The following SANBR variants were observed in gnomAD, a reference collection of about 807,000 sequenced individuals.
SANBR encodes SANT and BTB domain regulator of CSR, also known as SANT and BTB domain regulator of class switch recombination.
Under a neutral mutation model 101.8 loss-of-function variants are expected in SANBR, and 77 were observed. That is an observed-to-expected ratio of 0.76 (90% CI 0.63 to 0.91). SANBR has a LOEUF of 0.91. Among genes scored for constraint, SANBR ranks in the 40% least tolerant of loss-of-function variants. The pLI is 0.00. For missense variants in SANBR, 875 were observed against 853.0 expected (o/e 1.03, Z -0.32); for synonymous variants, 279 against 274.7 (o/e 1.02, Z -0.15).
At position 61,123,640 on chromosome 2, in the gene SANBR, T is replaced by G. The variant is rs571325938; in HGVS notation, c.*1478T>G. ...ATTAAAGGATTTGGATTTGTACATG[T>G]AAACAGTGCTGTAATGGTCACGACT... is the stretch of plus-strand genomic sequence containing the variant. On this transcript the variant is annotated 3_prime_UTR_variant, in exon 22 of 22. Transcript: ENST00000402291. 1 of 985,360 alleles carries G rather than the reference T, an allele frequency of 1.0e-6. No homozygotes were observed. The highest frequency in any genetic ancestry group is 1.2e-6 in the Non-Finnish European group (1 of 829,730). The allele number at this position is 985,360 out of a possible 1,614,324, so 61.0% of individuals were successfully genotyped here.
chr2:61,097,206 T>C (rs1348693043), intron 11 of SANBR, among the ~76,000 whole-genome samples: 2 of 152,174 alleles, frequency 1.3e-5, no homozygotes, highest in Non-Finnish European at 2.9e-5. Flanking sequence ...TTATTTTTCT[T>C]TGGAAAACAT....
At chr2:61,091,993 A>G (rs923027073) in intron 10 of SANBR, among the ~76,000 whole-genome samples, 1 of 152,240 alleles carries the variant, frequency 6.6e-6, no homozygotes, top group Non-Finnish European at 1.5e-5. Context: ...AAGTACTAAT[A>G]CATGAATGAT....
chr2:61,089,699 A>G (rs1006950202), intron 10 of SANBR: 1 of 152,350 alleles, frequency 6.6e-6, no homozygotes, highest in African/African-American at 2.4e-5. Flanking sequence ...AAATAAATAC[A>G]TAATACATAT....
chr2:61,072,222 A>T (rs1007533682), intron 4 of SANBR, among the ~76,000 whole-genome samples: 1 of 152,136 alleles, frequency 6.6e-6, no homozygotes, highest in Non-Finnish European at 1.5e-5. Flanking sequence ...TACAGACGTG[A>T]GCTACTGCAC....
chr2:61,082,963 T>C (rs566053833), intron 7 of SANBR, among the ~76,000 whole-genome samples, 191 bp from the exon 8 acceptor site: 63 of 152,346 alleles, frequency 4.1e-4, no homozygotes, highest in African/African-American at 1.5e-3. Flanking sequence ...TGTATATATG[T>C]TGTTACAAAT....
At chr2:61,128,880 T>C (rs561646607), downstream of SANBR, among the ~76,000 whole-genome samples, 1 of 152,170 alleles carries the variant, frequency 6.6e-6, no homozygotes, top group African/African-American at 2.4e-5. Flanking sequence ...GAGGATCACT[T>C]GAGCCCAGGA....
intron 17 of SANBR, among the ~76,000 whole-genome samples, chr2:61,116,517 A>G (rs1405948904): frequency 6.6e-6 from 1 of 152,146 alleles, no homozygotes; most frequent in Non-Finnish European, 1.5e-5. Context: ...AAAATAAATC[A>G]TATTTTATGA....
chr2:61,086,452 T>A (rs1293590660), intron 8 of SANBR, among the ~76,000 whole-genome samples: 1 of 152,132 alleles, frequency 6.6e-6, no homozygotes, highest in Non-Finnish European at 1.5e-5. Flanking sequence ...CAAAATAGTA[T>A]TGATAAAGGC....
downstream of SANBR, among the ~76,000 whole-genome samples, chr2:61,129,263 G>A (rs1290955218): frequency 6.6e-6 from 1 of 151,938 alleles, no homozygotes; most frequent in Non-Finnish European, 1.5e-5. Context: ...GGCCAACGTG[G>A]TGAAACCCCA....
chr2:61,103,089 T>A (rs1683369583), intron 12 of SANBR, among the ~76,000 whole-genome samples: 1 of 151,896 alleles, frequency 6.6e-6, no homozygotes, highest in African/African-American at 2.4e-5. Flanking sequence ...CAAATATTAT[T>A]ATTACATGAA....
chr2:61,109,850 A>T (rs1180564823), intron 16 of SANBR, among the ~76,000 whole-genome samples: 1 of 151,772 alleles, frequency 6.6e-6, no homozygotes, highest in African/African-American at 2.4e-5. Flanking sequence ...ACGGGGTTTC[A>T]CAATGTTGAT....
intron 6 of SANBR, among the ~76,000 whole-genome samples, chr2:61,080,199 A>AC (rs1180456654): frequency 4.0e-5 from 6 of 150,704 alleles, no homozygotes; most frequent in Non-Finnish European, 5.9e-5. Context: ...TTTGTCTCAA[A>AC]AAAAAAAAAA....
At chr2:61,069,160 T>C (rs1412505996) in intron 2 of SANBR, among the ~76,000 whole-genome samples, 175 bp downstream of exon 2, 1 of 152,232 alleles carries the variant, frequency 6.6e-6, no homozygotes, top group East Asian at 1.9e-4. Context: ...ATAATTAACA[T>C]TTATTGAGAG....
chr2:61,085,362 A>G (rs1378366486), intron 8 of SANBR, among the ~76,000 whole-genome samples: 6 of 151,946 alleles, frequency 3.9e-5, no homozygotes, highest in African/African-American at 9.7e-5. Context: ...ATAGATATCT[A>G]GTTGACACAA....
At chr2:61,133,541 C>T (rs1038055248) in intron 20 of SANBR, among the ~76,000 whole-genome samples, 3 of 151,430 alleles carry the variant, frequency 2.0e-5, no homozygotes, top group Non-Finnish European at 4.4e-5. Flanking sequence ...TTGCTTGAGC[C>T]CAGGAGTTCA....
rs1389164689 is a variant in SANBR, at chr2:61,124,099, T to G, written c.*1937T>G. The G allele has an allele frequency of 1.1e-6, 1 of 947,404 alleles. No homozygotes were observed. Among genetic ancestry groups the G allele is most frequent in the Non-Finnish European group, 1.3e-6 (1 of 795,496 alleles). 58.7% of individuals were successfully genotyped at this position (947,404 alleles called of 1,614,324 possible). A position where few individuals can be genotyped will look rare whatever the true frequency, so the allele number is the denominator to read the frequency against. On this transcript the variant is annotated 3_prime_UTR_variant, in exon 22 of 22. Coordinates refer to ENST00000402291, the MANE Select transcript of SANBR (RefSeq NM_001129993.3). ...GACAGAGCAAGACTCCATCTCAATT[T>G]AAAACAAAAAAAGAATGTGTTTTTA...
chr2:61,108,188 A>G, intron 14 of SANBR, 129 bp from the exon 15 acceptor site: 1 of 491,520 alleles, frequency 2.0e-6, no homozygotes, highest in Non-Finnish European at 3.6e-6. Flanking sequence ...TGAGTTTTAA[A>G]TTATGTTTCA....
rs1684423171 is a variant in SANBR at position 61,123,690 on chromosome 2, CTT to C, written c.*1531_*1532del. 1 of 985,046 alleles carries C rather than the reference CTT, an allele frequency of 1.0e-6. No homozygotes were observed. The highest frequency in any genetic ancestry group is 1.2e-6 in the Non-Finnish European group (1 of 829,602). The allele number at this position is 985,046 out of a possible 1,614,324, so 61.0% of individuals were successfully genotyped here. On this transcript the variant is annotated 3_prime_UTR_variant, in exon 22 of 22. Transcript: ENST00000402291. ...TAGATAAGGAAAAAATATATATGCTCTTTTGATTTTTAACTGATGGTAAAAAG... is the reference window on the plus strand; with the variant it reads ...TAGATAAGGAAAAAATATATATGCTCTTGATTTTTAACTGATGGTAAAAAG...
chr2:61,099,112 C>G (rs1683170684), intron 12 of SANBR, among the ~76,000 whole-genome samples: 1 of 152,198 alleles, frequency 6.6e-6, no homozygotes, highest in Non-Finnish European at 1.5e-5. Flanking sequence ...ACTGAAAGAG[C>G]CTGAGGCTGT....
Sources: allele counts gnomAD v4.1 joint callset (sites outside exome capture counted in the v4.1 genomes callset), GRCh38; gene constraint gnomAD v4.1.1; transcripts MANE v1.5; gene names NCBI Gene and HGNC (gene_info 2026-07-23, HGNC 2026-07-21).